The following LRRC20 variants were observed in gnomAD, a reference collection of about 807,000 sequenced individuals.
LRRC20 encodes the protein leucine-rich repeat-containing protein 20.
A neutral mutation model predicts 14.4 loss-of-function variants in LRRC20; 11 were observed. The observed-to-expected ratio is 0.77, with a 90% CI of 0.48 to 1.27. The LOEUF (loss-of-function observed/expected upper bound fraction) is 1.27, where lower values mean the gene tolerates loss of function less well. LRRC20 is among the 50% of genes most tolerant of loss of function. LRRC20 has a pLI of 0.00. For missense variants in LRRC20, 219 were observed against 251.2 expected, an observed-to-expected ratio of 0.87 and a Z score of 0.87; for synonymous variants, 121 against 107.3, an observed-to-expected ratio of 1.13 and a Z score of -0.79.
Position 70,379,789 on chromosome 10 carries a change from C to A in LRRC20, c.-64+2760G>T, listed in dbSNP as rs1251360168. ...CTACCACCAGATGGGGAGGTGGTGC[C>A]TTAGACCAGCGGTCCCCATCCTTTT... On this transcript the variant is annotated intron_variant, in intron 1 of 4. Coordinates refer to ENST00000446961, the MANE Select transcript of LRRC20 (RefSeq NM_001278212.2). 2.6e-5 allele frequency among the ~76,000 whole-genome samples: 4 copies of A among 152,276 alleles called. No homozygotes were observed. In the East Asian group the frequency reaches 7.7e-4, roughly 29 times the overall value.
intron 1 of LRRC20, among the ~76,000 whole-genome samples, chr10:70,380,437 C>G (rs1844661258): frequency 6.6e-6 from 1 of 152,224 alleles, no homozygotes; most frequent in African/African-American, 2.4e-5. Context: ...TGAAGTCCAG[C>G]TGACAGGCCT....
chr10:70,380,227 G>C (rs2137194368), intron 1 of LRRC20, among the ~76,000 whole-genome samples: 1 of 152,298 alleles, frequency 6.6e-6, no homozygotes, highest in South Asian at 2.1e-4. Flanking sequence ...GTAAAGTCTA[G>C]GTGTCAGGGC....
intron 2 of LRRC20, among the ~76,000 whole-genome samples, chr10:70,348,509 C>T (rs1843163288): frequency 1.3e-5 from 2 of 152,180 alleles, no homozygotes; most frequent in Non-Finnish European, 2.9e-5. Flanking sequence ...ACGAACTATC[C>T]CCTCTGCACA....
chr10:70,377,565 C>T (rs771417765), intron 1 of LRRC20, among the ~76,000 whole-genome samples: 5 of 152,138 alleles, frequency 3.3e-5, no homozygotes, highest in African/African-American at 4.8e-5. Context: ...AGCTCAAGTC[C>T]AAGGTCAGCA....
chr10:70,350,339 A>C (rs1483843166), intron 2 of LRRC20, among the ~76,000 whole-genome samples: 1 of 152,186 alleles, frequency 6.6e-6, no homozygotes, highest in African/African-American at 2.4e-5. Flanking sequence ...TCCTAATTAC[A>C]ATTATTATTG....
At chr10:70,372,132 C>T (rs2127583) in intron 2 of LRRC20, among the ~76,000 whole-genome samples, 114,752 of 152,068 alleles carry the variant, frequency 0.75, 43,431 homozygotes, top group Non-Finnish European at 0.77. Flanking sequence ...CCAGGGGCCT[C>T]GGCTTTGAGA....
intron 3 of LRRC20, among the ~76,000 whole-genome samples, chr10:70,338,803 G>C (rs1279245353): frequency 6.6e-6 from 1 of 152,178 alleles, no homozygotes; most frequent in Non-Finnish European, 1.5e-5. Flanking sequence ...TGGGATTACA[G>C]GTGTGCGCCA....
chr10:70,337,861 G>A (rs1842771295), intron 3 of LRRC20, among the ~76,000 whole-genome samples: 1 of 152,204 alleles, frequency 6.6e-6, no homozygotes, highest in Non-Finnish European at 1.5e-5. Context: ...GGGAGACGCA[G>A]GTGTTCAAGG....
chr10:70,377,380 A>G (rs765686502), intron 1 of LRRC20, among the ~76,000 whole-genome samples: 16 of 152,100 alleles, frequency 1.1e-4, no homozygotes, highest in Non-Finnish European at 2.2e-4. Context: ...AGACATAAGG[A>G]CTTGCAAACA....
At position 70,301,123 on chromosome 10, in the gene LRRC20, T is replaced by A. The variant is rs761885727; in HGVS notation, c.*231A>T. ...GATCTGCCTGAGTTTGCACAGCAGC[T>A]GTGAGTGCCGAGTCCAGGCTGCAGG... On this transcript the variant is annotated 3_prime_UTR_variant, in exon 5 of 5. Transcript: ENST00000446961. 57 of 1,348,410 alleles carry A rather than the reference T, an allele frequency of 4.2e-5. 1 individual carries two copies. Among genetic ancestry groups the A allele is most frequent in the Non-Finnish European group, 5.0e-5 (53 of 1,052,852 alleles). 83.5% of individuals were successfully genotyped at this position (1,348,410 alleles called of 1,614,324 possible).
chr10:70,376,942 G>A (rs961961711), intron 1 of LRRC20, among the ~76,000 whole-genome samples: 2 of 152,214 alleles, frequency 1.3e-5, no homozygotes, highest in Non-Finnish European at 2.9e-5. Context: ...CAGGGCATTG[G>A]GAAGGAGGTA....
chr10:70,331,718 C>A (rs1213168637), intron 3 of LRRC20, among the ~76,000 whole-genome samples: 1 of 152,116 alleles, frequency 6.6e-6, no homozygotes, highest in Non-Finnish European at 1.5e-5. Context: ...CAGGATGGAC[C>A]GGGGCTCTGG....
Position 70,382,603 on chromosome 10 carries a change from G to C in LRRC20, c.-118C>G, listed in dbSNP as rs1384180905. 1 of 151,392 alleles carries C rather than the reference G, an allele frequency of 6.6e-6. No homozygotes were observed. Among genetic ancestry groups the C allele is most frequent in the Non-Finnish European group, 1.5e-5 (1 of 67,726 alleles). The allele number at this position is 151,392 out of a possible 1,614,324, so 9.4% of individuals were successfully genotyped here. ...GCGCAGTCACGCTCCCTCCGCCGCC[G>C]GCGGCGCCCCAGGCGAGTTCCGAGC... is the stretch of plus-strand genomic sequence containing the variant. On this transcript the variant is annotated 5_prime_UTR_variant, in exon 1 of 5. Transcript: ENST00000446961.
chr10:70,369,118 G>C (rs1844153850), intron 2 of LRRC20, among the ~76,000 whole-genome samples: 1 of 152,242 alleles, frequency 6.6e-6, no homozygotes, highest in African/African-American at 2.4e-5. Context: ...TACAAAGGTA[G>C]ATGTTCACCT....
At chr10:70,315,168 C>T (rs1218417214) in intron 4 of LRRC20, among the ~76,000 whole-genome samples, 4 of 152,184 alleles carry the variant, frequency 2.6e-5, no homozygotes, top group African/African-American at 9.7e-5. Flanking sequence ...GGGTGTGCAG[C>T]AAATGGTCAC....
chr10:70,361,845 T>C (rs1244823191), intron 2 of LRRC20, among the ~76,000 whole-genome samples: 3 of 152,020 alleles, frequency 2.0e-5, no homozygotes, highest in African/African-American at 7.2e-5. Flanking sequence ...AATAAGCACC[T>C]TAGCCAAAAA....
chr10:70,326,296 G>GTA (rs1236909181), intron 3 of LRRC20, among the ~76,000 whole-genome samples: 2 of 38,922 alleles, frequency 5.1e-5, no homozygotes, highest in African/African-American at 2.1e-4. Flanking sequence ...GCGCCTCTGT[G>GTA]TACACACACA....
chr10:70,304,942 T>C (rs1345203883), intron 4 of LRRC20, among the ~76,000 whole-genome samples: 1 of 152,172 alleles, frequency 6.6e-6, no homozygotes, highest in Non-Finnish European at 1.5e-5. Flanking sequence ...CCCAGCACTT[T>C]GGGAGGCGAA....
intron 4 of LRRC20, among the ~76,000 whole-genome samples, chr10:70,318,264 A>G (rs534381660): frequency 2.6e-5 from 4 of 152,294 alleles, no homozygotes; most frequent in South Asian, 2.1e-4. Context: ...CCCCCTCCCA[A>G]GAGTTTCTGA....
Sources: allele counts gnomAD v4.1 joint callset (sites outside exome capture counted in the v4.1 genomes callset), GRCh38; gene constraint gnomAD v4.1.1; transcripts MANE v1.5; gene names NCBI Gene and HGNC (gene_info 2026-07-23, HGNC 2026-07-21).